The following NEBL variants were observed in gnomAD, a reference collection of about 807,000 sequenced individuals.
The protein encoded by NEBL is LIM and SH3 protein 2.
NEBL carries 122 observed loss-of-function variants against 140.2 expected under a neutral mutation model. The observed-to-expected ratio is 0.87, with a 90% CI of 0.75 to 1.01. The LOEUF is 1.01. Among genes scored for constraint, NEBL ranks in the 50% least tolerant of loss-of-function variants. The probability of loss-of-function intolerance (pLI) is 0.00; values close to 1 mark genes in which losing one functional copy is unlikely to be tolerated. For synonymous variants in NEBL, 436 were observed against 398.9 expected (o/e 1.09, Z -1.11); for missense variants, 1,365 against 1,231.3 (o/e 1.11, Z -1.62).
In NEBL at chr10:21,072,954, G is replaced by C. The variant is rs143332515; in HGVS notation, c.165-52753C>G. On this transcript the variant is annotated intron_variant, in intron 2 of 6. Coordinates refer to the NEBL transcript ENST00000417816. ...TGCAGTGAGTCGAGATCATGCCACT[G>C]TACAACAGCCTGGGCAATAGACTAT... 1.1e-3 allele frequency among the ~76,000 whole-genome samples: 160 copies of C among 152,106 alleles called. 1 individual carries two copies. Among genetic ancestry groups the C allele is most frequent in the Non-Finnish European group, 1.7e-3 (113 of 67,980 alleles).
intron 2 of NEBL, among the ~76,000 whole-genome samples, chr10:21,073,310 G>T (rs1216694242): frequency 2.0e-5 from 3 of 148,762 alleles, no homozygotes; most frequent in Non-Finnish European, 3.0e-5. Context: ...GCAACAGAGT[G>T]AGACCCTGTC....
chr10:21,214,084 T>C (rs1290178767), intron 3 of NEBL, among the ~76,000 whole-genome samples: 1 of 152,054 alleles, frequency 6.6e-6, no homozygotes, highest in East Asian at 1.9e-4. Flanking sequence ...TCTGTCTTAG[T>C]CTTCTTCAAT....
intron 2 of NEBL, among the ~76,000 whole-genome samples, chr10:21,139,970 T>G (rs1243945879): frequency 8.3e-5 from 12 of 144,116 alleles, no homozygotes; most frequent in African/African-American, 3.2e-4. Context: ...GGCCAACATG[T>G]TGAAACCCTG....
intron 2 of NEBL, among the ~76,000 whole-genome samples, chr10:21,105,815 C>T (rs993076644): frequency 3.9e-5 from 6 of 152,112 alleles, no homozygotes; most frequent in East Asian, 1.9e-4. Context: ...CGTGTAAAAG[C>T]GTTCCTATTT....
chr10:20,962,491 A>G (rs1836099949), intron 3 of NEBL, among the ~76,000 whole-genome samples: 1 of 152,264 alleles, frequency 6.6e-6, no homozygotes. Context: ...GATTTTTTTC[A>G]GTATTTAAAT....
At chr10:20,865,812 C>A (rs192159592) in intron 7 of NEBL, among the ~76,000 whole-genome samples, 44 of 152,262 alleles carry the variant, frequency 2.9e-4, no homozygotes, top group African/African-American at 9.1e-4. Flanking sequence ...TACTATGAGG[C>A]ACAATTGCAT....
Position 20,784,424 on chromosome 10 carries a change from G to T in NEBL, c.*1323C>A, listed in dbSNP as rs1468941829. The T allele has an allele frequency of 6.6e-6, 1 of 152,014 alleles. No homozygotes were observed. The highest frequency in any genetic ancestry group is 1.5e-5 in the Non-Finnish European group (1 of 68,004). 9.4% of individuals were successfully genotyped at this position (152,014 alleles called of 1,614,324 possible). ...CAACAATTTCTTTCTTAGAGAACAG[G>T]CTCTTGGGCCTGTACTAAAAAATCT... is the stretch of plus-strand genomic sequence containing the variant. On this transcript the variant is annotated 3_prime_UTR_variant, in exon 28 of 28. Transcript: ENST00000377122.
At position 21,277,809 on chromosome 10, in the gene NEBL, A is replaced by AT. The variant is rs1226650379; in HGVS notation, n.182+15020dup. On this transcript the variant is annotated intron_variant and non_coding_transcript_variant, in intron 1 of 8. Coordinates refer to the NEBL transcript ENST00000675702. ...CTTGTCCATTGGTTTTATGAAAGTC[A>AT]TTTTTTTCTTTCTTTCTTTCTTTTT... Among the ~76,000 whole-genome samples the AT allele has an allele frequency of 3.3e-5, 5 of 150,220 alleles. No individual in the cohort carries two copies. The South Asian group carries it at 1.1e-3, about 32-fold the overall frequency.
intron 3 of NEBL, chr10:21,020,054 G>A: frequency 2.2e-6 from 3 of 1,379,682 alleles, no homozygotes; most frequent in Non-Finnish European, 3.1e-6. Context: ...AAGAATCTCA[G>A]AAGAGCAGCC....
intron 2 of NEBL, among the ~76,000 whole-genome samples, chr10:21,023,952 C>G (rs1386800084): frequency 6.6e-6 from 1 of 151,780 alleles, no homozygotes; most frequent in Non-Finnish European, 1.5e-5. Flanking sequence ...CACCATTTGA[C>G]TTTGCAACAT....
intron 2 of NEBL, among the ~76,000 whole-genome samples, chr10:21,136,155 T>C (rs566320638): frequency 1.3e-4 from 20 of 152,288 alleles, no homozygotes; most frequent in Admixed American, 1.1e-3. Flanking sequence ...AGTTTGGTCC[T>C]CAAGGCATCT....
rs181441069 is a variant in NEBL, at chr10:21,085,322, G to T, written c.165-65121C>A. On this transcript the variant is annotated intron_variant, in intron 2 of 6. Transcript: ENST00000417816. ...CCAATTGTGCATTTTCAGTTAATTT[G>T]TTTTAAAACAGCACGTAGGCCAAGT... 2.4e-4 allele frequency among the ~76,000 whole-genome samples: 37 copies of T among 152,206 alleles called. 1 individual carries two copies. The East Asian group carries it at 7.1e-3, about 29-fold the overall frequency.
chr10:21,211,829 G>A (rs987352139), intron 3 of NEBL, among the ~76,000 whole-genome samples: 7 of 152,270 alleles, frequency 4.6e-5, no homozygotes, highest in African/African-American at 9.6e-5. Context: ...CGGATCTGTC[G>A]TCATGGCTTC....
chr10:20,971,194 T>C (rs1435960104), intron 3 of NEBL, among the ~76,000 whole-genome samples: 1 of 152,190 alleles, frequency 6.6e-6, no homozygotes, highest in African/African-American at 2.4e-5. Context: ...ATTGCCAAAA[T>C]GGTAGCACTG....
At chr10:21,113,304 AAACCAGG>A in intron 2 of NEBL, 1 of 337,042 alleles carries the variant, frequency 3.0e-6, no homozygotes, top group South Asian at 2.7e-5. Flanking sequence ...AAAAAAAAAA[AAACCAGG>A]AAAAAACTCC....
intron 2 of NEBL, among the ~76,000 whole-genome samples, chr10:21,064,832 G>A (rs1256770004): frequency 6.6e-6 from 1 of 152,026 alleles, no homozygotes; most frequent in African/African-American, 2.4e-5. Flanking sequence ...TCTATGGTGA[G>A]AGGTGCCATA....
chr10:21,041,862 T>G (rs1834282341), intron 2 of NEBL, among the ~76,000 whole-genome samples: 1 of 152,156 alleles, frequency 6.6e-6, no homozygotes. Flanking sequence ...CCATATATAG[T>G]AATTTCCCGA....
chr10:21,160,109 C>G (rs998758534), intron 2 of NEBL, among the ~76,000 whole-genome samples: 2 of 152,156 alleles, frequency 1.3e-5, no homozygotes, highest in Non-Finnish European at 2.9e-5. Context: ...ACTGCTGTCT[C>G]CCATTCAGAG....
At chr10:20,848,509 C>T (rs1842170525) in intron 11 of NEBL, among the ~76,000 whole-genome samples, 1 of 152,176 alleles carries the variant, frequency 6.6e-6, no homozygotes. Context: ...AGTTAGCAAC[C>T]CGGTAACAAA....
Sources: gnomAD v4.1 joint callset for allele counts (sites outside exome capture counted in the v4.1 genomes callset) on GRCh38, gnomAD v4.1.1 for gene constraint, MANE v1.5 for transcripts, NCBI Gene and HGNC (gene_info 2026-07-23, HGNC 2026-07-21) for gene names.